CLSTN1: variants seen among roughly 807,000 people sequenced by gnomAD.
CLSTN1 encodes the protein calsyntenin-1.
A neutral mutation model predicts 108.3 loss-of-function variants in CLSTN1; 28 were observed. The ratio of observed to expected loss-of-function variants is 0.26; its 90% CI spans 0.19 to 0.35. The LOEUF is 0.35. CLSTN1 is among the 10% of genes least tolerant of loss of function. The pLI is 1.00. For synonymous variants in CLSTN1, 524 were observed against 534.9 expected (o/e 0.98, Z 0.28); for missense variants, 1,157 against 1,302.6 (o/e 0.89, Z 1.72).
chr1:9,747,332 G>A (rs943785479), intron 7 of CLSTN1, among the ~76,000 whole-genome samples: 3 of 151,842 alleles, frequency 2.0e-5, no homozygotes, highest in East Asian at 3.9e-4. Flanking sequence ...TACATGCATG[G>A]TTTAAAACAG....
Position 9,733,391 on chromosome 1 carries a change from T to C in CLSTN1, c.2427+10A>G, listed in dbSNP as rs745994102. 2 of 1,614,110 alleles carry C rather than the reference T, an allele frequency of 1.2e-6. No homozygotes were observed. Among genetic ancestry groups the C allele is most frequent in the Non-Finnish European group, 1.7e-6 (2 of 1,180,002 alleles). ...CTATTGGCCCTGCTCAGTGGGAGCC[T>C]TGTACTCACCTCCACCTTAAATTCG... On this transcript the variant is annotated intron_variant, in intron 16 of 18. Coordinates refer to ENST00000377298, the MANE Select transcript of CLSTN1 (RefSeq NM_001009566.3).
intron 7 of CLSTN1, among the ~76,000 whole-genome samples, chr1:9,745,477 C>G (rs1318204205): frequency 1.3e-5 from 2 of 151,884 alleles, no homozygotes; most frequent in African/African-American, 4.8e-5. Context: ...GACAACATGG[C>G]AAAACCCTGT....
In CLSTN1 at chr1:9,730,338, G is replaced by T; in HGVS notation, c.*170C>A. 2.9e-6 allele frequency: 2 copies of T among 682,286 alleles called. No homozygotes were observed. 42.3% of individuals were successfully genotyped at this position (682,286 alleles called of 1,614,324 possible). ...TGAAGAGCGCGACCAGGCAGAGGGTGGGCGGGGAGCCTAGGGTCCTACACA... is the reference window on the plus strand; with the variant it reads ...TGAAGAGCGCGACCAGGCAGAGGGTTGGCGGGGAGCCTAGGGTCCTACACA... On this transcript the variant is annotated 3_prime_UTR_variant, in exon 19 of 19. Transcript: ENST00000377298. The surrounding 1 kb of genome is among the most constrained non-coding windows in gnomAD (Gnocchi z 5.6).
intron 1 of CLSTN1, among the ~76,000 whole-genome samples, chr1:9,781,474 G>A (rs1311092874): frequency 2.0e-5 from 3 of 148,756 alleles, no homozygotes; most frequent in Non-Finnish European, 4.4e-5. Context: ...GCGGAGTTTC[G>A]CTCTTGTCAC....
chr1:9,731,154 G>C, intron 18 of CLSTN1, 52 bp downstream of exon 18: 3 of 1,605,032 alleles, frequency 1.9e-6, no homozygotes, highest in Non-Finnish European at 2.6e-6. Flanking sequence ...GCTTCTCGGA[G>C]GCCCTGGCCT....
At chr1:9,753,791 G>A (rs1235890047) in intron 4 of CLSTN1, among the ~76,000 whole-genome samples, 1 of 152,122 alleles carries the variant, frequency 6.6e-6, no homozygotes, top group East Asian at 1.9e-4. Flanking sequence ...ACAGGCGTGA[G>A]CCACCGTGCC....
chr1:9,808,207 A>G (rs1171526646), intron 1 of CLSTN1, among the ~76,000 whole-genome samples: 1 of 152,222 alleles, frequency 6.6e-6, no homozygotes, highest in African/African-American at 2.4e-5. Context: ...CGGGTGTCAC[A>G]GCCCACAAAT....
chr1:9,749,422 C>A, intron 7 of CLSTN1, 39 bp downstream of exon 7: 2 of 1,572,784 alleles, frequency 1.3e-6, no homozygotes, highest in South Asian at 2.3e-5. Flanking sequence ...CCCACCTTCA[C>A]CAAAGCCAGC....
chr1:9,758,009 G>T (rs1297850865), intron 2 of CLSTN1, among the ~76,000 whole-genome samples: 2 of 151,930 alleles, frequency 1.3e-5, no homozygotes, highest in South Asian at 2.1e-4. Flanking sequence ...TGTTTTGGGG[G>T]GGGGTGGGAA....
At position 9,731,913 on chromosome 1, in the gene CLSTN1, G is replaced by T; in HGVS notation, c.2428-17C>A. 2 of 1,614,096 alleles carry T rather than the reference G, an allele frequency of 1.2e-6. No individual in the cohort carries two copies. The highest frequency in any genetic ancestry group is 1.7e-6 in the Non-Finnish European group (2 of 1,179,990). ...TACATTCACCTATAGCAGAGAAAGA[G>T]AGGATCGCTGGAGACAGGCATCCTG... On this transcript the variant is annotated splice_polypyrimidine_tract_variant and intron_variant, in intron 16 of 18. Transcript: ENST00000377298.
rs748622828 is a variant in CLSTN1 at position 9,733,965 on chromosome 1, C to T, written c.2281+7G>A. On this transcript the variant is annotated splice_region_variant and intron_variant, in intron 15 of 18. Transcript: ENST00000377298. ...GCCCACCTGCGTGGCTGCAGCGCTC[C>T]CCTTACCTGTGAAGGTCATGCCCAG... 3.4e-5 allele frequency: 54 copies of T among 1,610,106 alleles called. No homozygotes were observed. The highest frequency in any genetic ancestry group is 4.2e-5 in the Non-Finnish European group (50 of 1,177,708).
intron 1 of CLSTN1, among the ~76,000 whole-genome samples, chr1:9,783,827 T>C (rs1412964962): frequency 6.6e-6 from 1 of 152,122 alleles, no homozygotes; most frequent in Non-Finnish European, 1.5e-5. Flanking sequence ...ACCCTGTCTC[T>C]ACTAAAAATA....
intron 1 of CLSTN1, among the ~76,000 whole-genome samples, chr1:9,779,285 T>A (rs1048201159): frequency 2.0e-5 from 3 of 151,998 alleles, no homozygotes; most frequent in Admixed American, 6.6e-5. Context: ...TTTAAAAAAA[T>A]TTTTAGGACG....
At position 9,788,867 on chromosome 1, in the gene CLSTN1, C is replaced by CA. The variant is rs56093052; in HGVS notation, c.92-15474dup. On this transcript the variant is annotated intron_variant, in intron 1 of 18. Transcript: ENST00000377298. ...TGGGCGACAGAGCGAGACTCCGTCTCAAAAAAAAAAAAAAAAAAAAACAAA... is the reference window on the plus strand; with the variant it reads ...TGGGCGACAGAGCGAGACTCCGTCTCAAAAAAAAAAAAAAAAAAAAAACAAA... Among the ~76,000 whole-genome samples the CA allele has an allele frequency of 8.1e-3, 616 of 76,170 alleles. 7 individuals are homozygous for CA. Among genetic ancestry groups the CA allele is most frequent in the Middle Eastern group, 0.036 (5 of 138 alleles). The allele number at this position is 76,170 out of a possible 152,430, so 50.0% of individuals were successfully genotyped here.
intron 1 of CLSTN1, among the ~76,000 whole-genome samples, chr1:9,806,590 A>C (rs976177196): frequency 6.6e-6 from 1 of 152,108 alleles, no homozygotes; most frequent in African/African-American, 2.4e-5. Context: ...CTATAAAAAT[A>C]GACACGAGGC....
intron 2 of CLSTN1, among the ~76,000 whole-genome samples, chr1:9,759,438 G>A (rs1419116307): frequency 2.0e-5 from 3 of 152,108 alleles, no homozygotes; most frequent in African/African-American, 7.2e-5. Context: ...ACCACACCTG[G>A]CTAATTTTTT....
chr1:9,801,064 T>C (rs931677200), intron 1 of CLSTN1, among the ~76,000 whole-genome samples: 1 of 151,770 alleles, frequency 6.6e-6, no homozygotes, highest in Non-Finnish European at 1.5e-5. Flanking sequence ...CTGACCAACA[T>C]GGAGAAACCC....
At chr1:9,794,942 C>T (rs774330347) in intron 1 of CLSTN1, among the ~76,000 whole-genome samples, 12 of 150,820 alleles carry the variant, frequency 8.0e-5, no homozygotes, top group South Asian at 2.2e-4. Flanking sequence ...ATTATCAATG[C>T]CAAGTTCTTA....
chr1:9,814,184 G>A (rs1654880891), intron 1 of CLSTN1, among the ~76,000 whole-genome samples: 1 of 150,826 alleles, frequency 6.6e-6, no homozygotes, highest in Admixed American at 6.7e-5. Flanking sequence ...CTGAGGCAGG[G>A]AGATTGCTTG....
Sources: gnomAD v4.1 joint callset for allele counts (sites outside exome capture counted in the v4.1 genomes callset) on GRCh38, gnomAD v4.1.1 for gene constraint, Gnocchi (gnomAD v3.1) non-coding constraint, MANE v1.5 for transcripts, NCBI Gene and HGNC (gene_info 2026-07-23, HGNC 2026-07-21) for gene names.